Variants in MAD1L1 observed in about 807,000 individuals in gnomAD.
MAD1L1 encodes mitotic arrest deficient 1 like 1.
MAD1L1 carries 95 observed loss-of-function variants against 96.9 expected under a neutral mutation model. That is an observed-to-expected ratio of 0.98 (90% CI 0.83 to 1.16). The LOEUF is 1.16. MAD1L1 is among the 50% of genes most tolerant of loss of function. The pLI, the probability that MAD1L1 is intolerant of heterozygous loss-of-function variation, is 0.00. For missense variants in MAD1L1, 1,007 were observed against 954.4 expected (o/e 1.06, Z -0.73); for synonymous variants, 473 against 396.6 (o/e 1.19, Z -2.29).
At chr7:2,130,503 A>G (rs2128567717) in intron 11 of MAD1L1, among the ~76,000 whole-genome samples, 1 of 152,222 alleles carries the variant, frequency 6.6e-6, no homozygotes, top group Non-Finnish European at 1.5e-5. Flanking sequence ...CTTCCCACAT[A>G]GTCTTGGGCC....
intron 10 of MAD1L1, among the ~76,000 whole-genome samples, chr7:2,162,475 A>G (rs1010136796): frequency 6.6e-6 from 1 of 152,176 alleles, no homozygotes; most frequent in Non-Finnish European, 1.5e-5. Flanking sequence ...ACCTCTGCCT[A>G]GGAAAACCAG....
rs1010892175 is a variant in MAD1L1, at chr7:2,201,054, C to A, written c.986+12158G>T. 5.3e-5 allele frequency among the ~76,000 whole-genome samples: 8 copies of A among 152,356 alleles called. No individual in the cohort carries two copies. The East Asian group carries it at 1.4e-3, about 26-fold the overall frequency. On this transcript the variant is annotated intron_variant, in intron 10 of 18. Transcript: ENST00000265854. ...CTCCTGACACAAATGACAGCTACAG[C>A]TGGCTGCAGGGAGTGACCCCAGGTG...
At chr7:1,888,015 G>A (rs1217089357) in intron 18 of MAD1L1, among the ~76,000 whole-genome samples, 1 of 150,012 alleles carries the variant, frequency 6.7e-6, no homozygotes, top group East Asian at 2.0e-4. Context: ...GCCTGTACGT[G>A]TGTGTGCATG....
intron 12 of MAD1L1, among the ~76,000 whole-genome samples, chr7:2,022,717 A>G (rs532105800): frequency 7.2e-5 from 11 of 152,360 alleles, no homozygotes; most frequent in African/African-American, 2.6e-4. Context: ...TAACAGTATC[A>G]ACGATCATTT....
intron 16 of MAD1L1, among the ~76,000 whole-genome samples, chr7:1,940,986 T>TCCCCCAGGC (rs1279399235): frequency 6.7e-6 from 1 of 148,742 alleles, no homozygotes; most frequent in Non-Finnish European, 1.5e-5. Flanking sequence ...CTCCTCTTCC[T>TCCCCCAGGC]CTCCCAGGCC....
intron 13 of MAD1L1, among the ~76,000 whole-genome samples, chr7:2,009,015 C>G (rs984785696): frequency 1.3e-5 from 2 of 152,186 alleles, no homozygotes; most frequent in African/African-American, 4.8e-5. Context: ...AGGCCCCCAG[C>G]GCAGCCACGC....
intron 10 of MAD1L1, among the ~76,000 whole-genome samples, chr7:2,188,378 C>G (rs1262557484): frequency 6.6e-6 from 1 of 152,176 alleles, no homozygotes; most frequent in African/African-American, 2.4e-5. Flanking sequence ...CCAAAGGTCC[C>G]TCGCCAAAGC....
chr7:2,133,504 T>C (rs958819931), intron 11 of MAD1L1, among the ~76,000 whole-genome samples: 1 of 152,232 alleles, frequency 6.6e-6, no homozygotes, highest in Non-Finnish European at 1.5e-5. Flanking sequence ...ATTTGGGGCT[T>C]CTCCTTTTAT....
intron 18 of MAD1L1, among the ~76,000 whole-genome samples, chr7:1,852,136 G>T (rs985214608): frequency 6.6e-6 from 1 of 152,224 alleles, no homozygotes; most frequent in African/African-American, 2.4e-5. Flanking sequence ...AGAGCGGGTC[G>T]GGGAGAAGCC....
At chr7:1,916,465 G>A (rs1788401877) in intron 17 of MAD1L1, among the ~76,000 whole-genome samples, 1 of 152,204 alleles carries the variant, frequency 6.6e-6, no homozygotes, top group African/African-American at 2.4e-5. Flanking sequence ...CATGGCACGA[G>A]GCGGGGACAG....
At chr7:1,819,453 C>G (rs1449381676) in intron 18 of MAD1L1, among the ~76,000 whole-genome samples, 1 of 152,144 alleles carries the variant, frequency 6.6e-6, no homozygotes, top group Non-Finnish European at 1.5e-5. Flanking sequence ...TCCAGACCCT[C>G]GCTGGCCTGG....
intron 12 of MAD1L1, among the ~76,000 whole-genome samples, chr7:2,025,742 GAAGA>G (rs1020235604): frequency 1.3e-5 from 2 of 152,178 alleles, no homozygotes; most frequent in Non-Finnish European, 2.9e-5. Context: ...AATGTAAACA[GAAGA>G]AAGGATTTTA....
chr7:2,157,431 G>A (rs1789900855), intron 10 of MAD1L1, among the ~76,000 whole-genome samples: 1 of 152,184 alleles, frequency 6.6e-6, no homozygotes, highest in Admixed American at 6.5e-5. Flanking sequence ...AAGAGACTGA[G>A]AAGAGAAAAG....
At chr7:1,825,763 T>C (rs892592123) in intron 18 of MAD1L1, among the ~76,000 whole-genome samples, 2 of 152,082 alleles carry the variant, frequency 1.3e-5, no homozygotes, top group African/African-American at 4.8e-5. Context: ...GGCATCAGGG[T>C]CCAGAGGTGA....
Position 1,968,766 on chromosome 7 carries a change from C to G in MAD1L1, c.1506-11047G>C, listed in dbSNP as rs1317559161. Among the ~76,000 whole-genome samples the G allele has an allele frequency of 1.3e-5, 2 of 152,212 alleles. No homozygotes were observed. Among genetic ancestry groups the G allele is most frequent in the Admixed American group, 1.3e-4 (2 of 15,286 alleles). ...AACAATGAAACACATCACACAAGCT[C>G]GCTTCGGGGGCGTTCTAGGGACTCC... On this transcript the variant is annotated intron_variant, in intron 15 of 18. Transcript: ENST00000265854. This position sits in a 1 kb window ranked among gnomAD's most constrained non-coding sequence, Gnocchi z 5.6.
chr7:2,071,106 A>C (rs1785104702), intron 11 of MAD1L1, among the ~76,000 whole-genome samples: 1 of 151,004 alleles, frequency 6.6e-6, no homozygotes, highest in Admixed American at 6.6e-5. Context: ...GGTTTGGGGA[A>C]GGGAAAGCTT....
Position 2,125,771 on chromosome 7 carries a change from A to G in MAD1L1, c.1073+23381T>C, listed in dbSNP as rs547869641. On this transcript the variant is annotated intron_variant, in intron 11 of 18. Transcript: ENST00000265854. The stretch of plus-strand genomic sequence containing the variant: ...CTCCAGCTAAGGGCTTCCTGGGGTC[A>G]TTTACCACAGCTCTGAAAAATAAAC... Among the ~76,000 whole-genome samples, 213 of 152,348 alleles carry G rather than the reference A, an allele frequency of 1.4e-3. 2 individuals are homozygous for G. In the South Asian group the frequency reaches 0.026, roughly 19 times the overall value.
chr7:2,069,176 T>C lies in MAD1L1; in HGVS notation c.1218+18A>G. 6.4e-7 allele frequency: 1 copy of C among 1,566,886 alleles called. No individual in the cohort carries two copies. Among genetic ancestry groups the C allele is most frequent in the Non-Finnish European group, 8.6e-7 (1 of 1,157,154 alleles). The stretch of plus-strand genomic sequence containing the variant: ...CAGCTCCCTGCGACTCTGATCAAGA[T>C]GTAAGGGCATACATCACCTTGGTGA... On this transcript the variant is annotated intron_variant, in intron 12 of 18. Coordinates refer to ENST00000265854, the MANE Select transcript of MAD1L1 (RefSeq NM_001013836.2).
At chr7:2,228,841 C>T (rs1027098039) in intron 3 of MAD1L1, among the ~76,000 whole-genome samples, 1 of 151,392 alleles carries the variant, frequency 6.6e-6, no homozygotes, top group Admixed American at 6.6e-5. Context: ...CCCGGGTTCA[C>T]ACCATTCTCC....
Sources: gnomAD v4.1 joint callset for allele counts (sites outside exome capture counted in the v4.1 genomes callset) on GRCh38, gnomAD v4.1.1 for gene constraint, Gnocchi (gnomAD v3.1) non-coding constraint, MANE v1.5 for transcripts, NCBI Gene and HGNC (gene_info 2026-07-23, HGNC 2026-07-21) for gene names.